The following TRPM3 variants were observed in gnomAD, a reference collection of about 807,000 sequenced individuals.
TRPM3 encodes the protein transient receptor potential cation channel subfamily M member 3, also known as long transient receptor potential channel 3.
TRPM3 carries 77 observed loss-of-function variants against 181.2 expected under a neutral mutation model. That is an observed-to-expected ratio of 0.42 (90% CI 0.35 to 0.51). TRPM3 has a LOEUF of 0.51. TRPM3 is among the 20% of genes least tolerant of loss of function. The probability of loss-of-function intolerance (pLI) is 0.01; values close to 1 mark genes in which losing one functional copy is unlikely to be tolerated. For missense variants in TRPM3, 1,759 were observed against 2,196.7 expected (o/e 0.80, Z 3.98); for synonymous variants, 745 against 796.4 (o/e 0.94, Z 1.09).
intron 25 of TRPM3, among the ~76,000 whole-genome samples, chr9:70,543,898 T>C (rs2044183753): frequency 6.6e-6 from 1 of 152,154 alleles, no homozygotes; most frequent in African/African-American, 2.4e-5. Flanking sequence ...AGATCAAGTA[T>C]GTAGGTACAG....
intron 1 of TRPM3, among the ~76,000 whole-genome samples, chr9:71,169,520 A>C (rs1030390754): frequency 2.0e-5 from 3 of 152,224 alleles, no homozygotes; most frequent in Non-Finnish European, 4.4e-5. Flanking sequence ...GAACCAAAAA[A>C]ACATATTTCG....
chr9:71,185,049 A>G (rs1349789770), intron 1 of TRPM3, among the ~76,000 whole-genome samples: 1 of 152,144 alleles, frequency 6.6e-6, no homozygotes, highest in East Asian at 1.9e-4. Flanking sequence ...GCATGCACGC[A>G]CATGCATTGA....
intron 1 of TRPM3, among the ~76,000 whole-genome samples, chr9:71,420,134 C>T (rs1418470859): frequency 5.9e-5 from 9 of 151,830 alleles, no homozygotes; most frequent in Non-Finnish European, 1.2e-4. Context: ...TCTTTGTGTC[C>T]TGTTATTCTT....
intron 1 of TRPM3, among the ~76,000 whole-genome samples, chr9:71,302,342 C>T (rs1158196295): frequency 6.6e-6 from 1 of 152,138 alleles, no homozygotes; most frequent in Non-Finnish European, 1.5e-5. Context: ...GGCCAACAGA[C>T]TATTTGAGTA....
chr9:71,393,639 T>C (rs935074004), intron 1 of TRPM3, among the ~76,000 whole-genome samples: 1 of 152,208 alleles, frequency 6.6e-6, no homozygotes, highest in African/African-American at 2.4e-5. Flanking sequence ...TTCACAGTTC[T>C]GCCCAAGTTA....
rs149257347 is a variant in TRPM3 at position 71,355,140 on chromosome 9, G to T, written c.183+91513C>A. On this transcript the variant is annotated intron_variant, in intron 1 of 24. Transcript: ENST00000357533. ...TTGTCTTTTTCCTTCCAATCTCATGGTTCAATTGCAATTAATGGTTCCTGT... is the reference window on the plus strand; with the variant it reads ...TTGTCTTTTTCCTTCCAATCTCATGTTTCAATTGCAATTAATGGTTCCTGT... Among the ~76,000 whole-genome samples the T allele has an allele frequency of 9.5e-4, 145 of 152,182 alleles. 1 individual carries two copies. Among genetic ancestry groups the T allele is most frequent in the South Asian group, 6.0e-3 (29 of 4,816 alleles).
At chr9:71,276,487 C>T (rs1156653629) in intron 1 of TRPM3, among the ~76,000 whole-genome samples, 1 of 151,862 alleles carries the variant, frequency 6.6e-6, no homozygotes, top group African/African-American at 2.4e-5. Context: ...CAGCAAGAAA[C>T]ACTATGAGAA....
intron 1 of TRPM3, among the ~76,000 whole-genome samples, chr9:71,296,843 A>G (rs1364128872): frequency 6.6e-6 from 1 of 152,142 alleles, no homozygotes. Flanking sequence ...AAGAGAAAGA[A>G]CTTACTAATT....
At chr9:71,030,344 C>G (rs2057129017) in intron 1 of TRPM3, among the ~76,000 whole-genome samples, 1 of 152,106 alleles carries the variant, frequency 6.6e-6, no homozygotes, top group Non-Finnish European at 1.5e-5. Context: ...GTGGGCAGAT[C>G]ACTTGAGGTC....
At chr9:71,048,097 A>T (rs538294037) in intron 1 of TRPM3, among the ~76,000 whole-genome samples, 38 of 152,360 alleles carry the variant, frequency 2.5e-4, no homozygotes, top group African/African-American at 8.9e-4. Flanking sequence ...AAGTTATCAC[A>T]GTTTTTGCCA....
chr9:70,581,955 C>T (rs971714656), intron 22 of TRPM3, among the ~76,000 whole-genome samples: 16 of 43,260 alleles, frequency 3.7e-4, no homozygotes, highest in African/African-American at 8.8e-4. Flanking sequence ...TTGTCTTCTC[C>T]TTCCTTTCTT....
chr9:71,153,108 C>T (rs2075819115), intron 1 of TRPM3, among the ~76,000 whole-genome samples: 1 of 152,078 alleles, frequency 6.6e-6, no homozygotes, highest in African/African-American at 2.4e-5. Context: ...CATAGTAATA[C>T]TGAGCCCAGG....
chr9:71,262,076 C>T (rs1006599947), intron 1 of TRPM3, among the ~76,000 whole-genome samples: 23 of 152,202 alleles, frequency 1.5e-4, no homozygotes, highest in Non-Finnish European at 3.2e-4. Context: ...CAGGCTGGAA[C>T]GTTTAAGTCT....
At chr9:71,037,174 G>A (rs2058304267) in intron 1 of TRPM3, among the ~76,000 whole-genome samples, 1 of 152,116 alleles carries the variant, frequency 6.6e-6, no homozygotes, top group Non-Finnish European at 1.5e-5. Context: ...ACTGTATCTT[G>A]ATCATCCAGT....
intron 1 of TRPM3, among the ~76,000 whole-genome samples, chr9:71,391,068 T>TC (rs1252161164): frequency 1.3e-5 from 2 of 151,954 alleles, no homozygotes; most frequent in Non-Finnish European, 2.9e-5. Flanking sequence ...GCAAATATTT[T>TC]CCCGAGTCTT....
At chr9:71,191,804 A>AACC (rs10676674) in intron 1 of TRPM3, among the ~76,000 whole-genome samples, 11 of 149,366 alleles carry the variant, frequency 7.4e-5, no homozygotes, top group Admixed American at 2.0e-4. Context: ...AAAAAAAAAA[A>AACC]ATCACATCGT....
chr9:71,170,285 G>A (rs904856037), intron 1 of TRPM3, among the ~76,000 whole-genome samples: 7 of 152,104 alleles, frequency 4.6e-5, no homozygotes, highest in African/African-American at 1.7e-4. Flanking sequence ...GGAATGAGGT[G>A]AATAAGATGC....
At chr9:70,765,735 T>C (rs1286408753) in intron 7 of TRPM3, among the ~76,000 whole-genome samples, 1 of 152,216 alleles carries the variant, frequency 6.6e-6, no homozygotes, top group African/African-American at 2.4e-5. Flanking sequence ...TTTGTAACCA[T>C]GTTCCTTAGG....
intron 1 of TRPM3, among the ~76,000 whole-genome samples, chr9:71,368,586 G>A (rs539437609): frequency 1.3e-5 from 2 of 151,926 alleles, no homozygotes; most frequent in Non-Finnish European, 2.9e-5. Context: ...AAAAAAAATT[G>A]AATGAATTTT....
Sources: gnomAD v4.1 joint callset for allele counts (sites outside exome capture counted in the v4.1 genomes callset) on GRCh38, gnomAD v4.1.1 for gene constraint, MANE v1.5 for transcripts, NCBI Gene and HGNC (gene_info 2026-07-23, HGNC 2026-07-21) for gene names.